The following AEBP2 variants were observed in gnomAD, a reference collection of about 807,000 sequenced individuals.
The protein encoded by AEBP2 is zinc finger protein AEBP2.
A neutral mutation model predicts 50.8 loss-of-function variants in AEBP2; 10 were observed. That is an observed-to-expected ratio of 0.20 (90% CI 0.12 to 0.33). The LOEUF is 0.33. AEBP2 is among the 10% of genes least tolerant of loss of function. The pLI, the probability that AEBP2 is intolerant of heterozygous loss-of-function variation, is 1.00. For synonymous variants in AEBP2, 296 were observed against 261.3 expected (o/e 1.13, Z -1.28); for missense variants, 570 against 688.0 (o/e 0.83, Z 1.92).
At chr12:19,515,569 C>A (rs185463385) in intron 7 of AEBP2, among the ~76,000 whole-genome samples, 1 of 152,114 alleles carries the variant, frequency 6.6e-6, no homozygotes, top group Admixed American at 6.5e-5. Context: ...TTAAAAGGCA[C>A]TCTTATTGAA....
intron 4 of AEBP2, among the ~76,000 whole-genome samples, chr12:19,495,536 T>C (rs1190961448): frequency 1.3e-5 from 2 of 150,834 alleles, no homozygotes; most frequent in Non-Finnish European, 2.9e-5. Flanking sequence ...CTCTCTTAAA[T>C]TTCATTCTTG....
At chr12:19,477,741 T>G (rs11044593) in intron 3 of AEBP2, among the ~76,000 whole-genome samples, 2 of 152,162 alleles carry the variant, frequency 1.3e-5, no homozygotes, top group African/African-American at 4.8e-5. Flanking sequence ...TCTGTAGATT[T>G]ATTTTTTTGT....
At chr12:19,457,592 G>C (rs1188501000) in intron 1 of AEBP2, 19 of 1,481,444 alleles carry the variant, frequency 1.3e-5, no homozygotes, top group Admixed American at 2.1e-5. Context: ...TGGTGGACTT[G>C]TACGAATCTA....
chr12:19,494,042 G>A, intron 4 of AEBP2, 56 bp downstream of exon 4: 1 of 1,493,974 alleles, frequency 6.7e-7, no homozygotes, highest in Non-Finnish European at 9.0e-7. Flanking sequence ...AGATATCTTA[G>A]ACTTTTATGC....
intron 1 of AEBP2, chr12:19,457,419 A>G: frequency 1.3e-6 from 2 of 1,496,670 alleles, no homozygotes; most frequent in African/African-American, 1.4e-5. Context: ...AAATTTCCAC[A>G]AGGAGGTATT....
intron 3 of AEBP2, among the ~76,000 whole-genome samples, chr12:19,478,486 C>T (rs536096039): frequency 6.6e-6 from 1 of 152,142 alleles, no homozygotes; most frequent in South Asian, 2.1e-4. Flanking sequence ...TACAGGGTTT[C>T]ACCATGTTGC....
intron 6 of AEBP2, among the ~76,000 whole-genome samples, chr12:19,514,292 A>G (rs960612198): frequency 6.6e-6 from 1 of 152,012 alleles, no homozygotes; most frequent in Non-Finnish European, 1.5e-5. Context: ...GAGCCACCGC[A>G]CTGGGCCCTT....
chr12:19,424,101 A>G (rs992167457), intron 1 of AEBP2, among the ~76,000 whole-genome samples: 1 of 152,206 alleles, frequency 6.6e-6, no homozygotes, highest in African/African-American at 2.4e-5. Context: ...AGTTGGGCCA[A>G]GTAGGTAGAC....
intron 5 of AEBP2, among the ~76,000 whole-genome samples, chr12:19,511,955 A>G (rs776204353): frequency 1.3e-5 from 2 of 152,204 alleles, no homozygotes; most frequent in Non-Finnish European, 2.9e-5. Flanking sequence ...GCTACAAGAC[A>G]GGGAAGAACT....
intron 1 of AEBP2, among the ~76,000 whole-genome samples, chr12:19,408,028 G>A (rs1179732825): frequency 6.7e-6 from 1 of 149,010 alleles, no homozygotes; most frequent in East Asian, 2.0e-4. Flanking sequence ...TCCAGCCTGG[G>A]CAACAAGAGT....
At position 19,453,190 on chromosome 12, in the gene AEBP2, C is replaced by T. The variant is rs541960360; in HGVS notation, c.672-9320C>T. Among the ~76,000 whole-genome samples the T allele has an allele frequency of 2.0e-4, 31 of 152,002 alleles. 2 individuals carry two copies. The highest frequency in any genetic ancestry group is 3.4e-4 in the African/African-American group (14 of 41,484). On this transcript the variant is annotated intron_variant, in intron 1 of 7. Transcript: ENST00000266508. ...TTCACTGTGTTAGCCAGGATGGTCT[C>T]GATCTCCTGACCTCGTGATCCACCC...
At chr12:19,412,345 T>C (rs1358346780) in intron 1 of AEBP2, among the ~76,000 whole-genome samples, 2 of 152,120 alleles carry the variant, frequency 1.3e-5, no homozygotes, top group Non-Finnish European at 2.9e-5. Context: ...TGGTGTGATC[T>C]TAGTTCACTA....
At chr12:19,516,599 T>C (rs1949321936) in intron 7 of AEBP2, among the ~76,000 whole-genome samples, 1 of 152,202 alleles carries the variant, frequency 6.6e-6, no homozygotes, top group African/African-American at 2.4e-5. Context: ...CTGAAGTGCA[T>C]AGGAACAATG....
At chr12:19,462,827 G>A in intron 2 of AEBP2, 110 bp downstream of exon 2, 2 of 998,980 alleles carry the variant, frequency 2.0e-6, no homozygotes, top group Non-Finnish European at 2.9e-6. Context: ...TTTTTACACA[G>A]GCTTAGTTTT....
chr12:19,517,737 A>G (rs1949341004), intron 7 of AEBP2, among the ~76,000 whole-genome samples: 1 of 152,184 alleles, frequency 6.6e-6, no homozygotes, highest in Non-Finnish European at 1.5e-5. Flanking sequence ...TCCTGGGCTC[A>G]AGCAGTCTTT....
rs1340879626 is a variant in AEBP2 at position 19,521,909 on chromosome 12, AAG to A, written c.*3794_*3795del. 1.3e-5 allele frequency: 2 copies of A among 152,112 alleles called. No homozygotes were observed. Among genetic ancestry groups the A allele is most frequent in the African/African-American group, 4.8e-5 (2 of 41,436 alleles). 9.4% of individuals were successfully genotyped at this position (152,112 alleles called of 1,614,324 possible). A position where few individuals can be genotyped will look rare whatever the true frequency, so the allele number is the denominator to read the frequency against. On this transcript the variant is annotated 3_prime_UTR_variant, in exon 8 of 8. Coordinates refer to ENST00000266508, the MANE Select transcript of AEBP2 (RefSeq NM_153207.5). ...TTTCTCTTTAATCACAACTTAAAAA[AAG>A]AAACCTTTAATACCTCTGCATAAGT... is the stretch of plus-strand genomic sequence containing the variant.
intron 1 of AEBP2, among the ~76,000 whole-genome samples, chr12:19,411,484 G>A (rs1023653393): frequency 6.6e-6 from 1 of 152,202 alleles, no homozygotes; most frequent in Non-Finnish European, 1.5e-5. Context: ...TACTGAGCCA[G>A]AGGAGCCCCA....
intron 1 of AEBP2, among the ~76,000 whole-genome samples, chr12:19,427,905 AT>A (rs898082202): frequency 8.0e-5 from 12 of 150,082 alleles, no homozygotes; most frequent in East Asian, 3.9e-4. Flanking sequence ...ACTAATTAGG[AT>A]TTTTTTTTTC....
chr12:19,415,327 A>G (rs1169196903), intron 1 of AEBP2, among the ~76,000 whole-genome samples: 3 of 34,634 alleles, frequency 8.7e-5, no homozygotes, highest in Non-Finnish European at 1.5e-4. Context: ...AAAAAAAAAA[A>G]AAAAAAAAAA....
Sources: gnomAD v4.1 joint callset for allele counts (sites outside exome capture counted in the v4.1 genomes callset) on GRCh38, gnomAD v4.1.1 for gene constraint, MANE v1.5 for transcripts, NCBI Gene and HGNC (gene_info 2026-07-23, HGNC 2026-07-21) for gene names.